Variants in NCOA3 observed in about 807,000 individuals in gnomAD.
NCOA3 encodes CBP-interacting protein.
Under a neutral mutation model 158.8 loss-of-function variants are expected in NCOA3, and 51 were observed. The observed-to-expected ratio is 0.32, with a 90% CI of 0.26 to 0.41. The LOEUF is 0.41. Among genes scored for constraint, NCOA3 ranks in the 10% least tolerant of loss-of-function variants. The pLI is 1.00. For missense variants in NCOA3, 1,510 were observed against 1,746.6 expected (o/e 0.86, Z 2.41); for synonymous variants, 537 against 592.4 (o/e 0.91, Z 1.36).
intron 1 of NCOA3, among the ~76,000 whole-genome samples, chr20:47,568,431 A>C (rs2085234086): frequency 6.6e-6 from 1 of 152,218 alleles, no homozygotes; most frequent in African/African-American, 2.4e-5. Context: ...GTAGATAAAA[A>C]GTTATGTTTA....
rs141390050 is a variant in NCOA3 at position 47,545,638 on chromosome 20, T to A, written c.-98-37545T>A. Among the ~76,000 whole-genome samples the A allele has an allele frequency of 1.9e-3, 293 of 152,150 alleles. 1 individual carries two copies. Among genetic ancestry groups the A allele is most frequent in the Middle Eastern group, 6.8e-3 (2 of 294 alleles). ...GGTTTTCTTAGTGCTGTTTTTTTTT[T>A]ATTTGCTTTTTGTTTTTTTTGTCTT... is the stretch of plus-strand genomic sequence containing the variant. On this transcript the variant is annotated intron_variant, in intron 1 of 22. Coordinates refer to ENST00000371998, the MANE Select transcript of NCOA3 (RefSeq NM_181659.3).
At chr20:47,574,502 T>TA (rs1307445406) in intron 1 of NCOA3, among the ~76,000 whole-genome samples, 4 of 151,706 alleles carry the variant, frequency 2.6e-5, no homozygotes, top group Non-Finnish European at 5.9e-5. Context: ...TTTTTTTTTT[T>TA]AGCACAGAGG....
intron 1 of NCOA3, among the ~76,000 whole-genome samples, chr20:47,555,632 G>GTTTTTT (rs74178745): frequency 3.0e-4 from 19 of 64,184 alleles, no homozygotes; most frequent in Admixed American, 6.7e-4. Flanking sequence ...CTATTAAAGT[G>GTTTTTT]TTTTTTTTTT....
intron 1 of NCOA3, among the ~76,000 whole-genome samples, chr20:47,524,654 G>A (rs1214556822): frequency 6.6e-6 from 1 of 152,216 alleles, no homozygotes; most frequent in Non-Finnish European, 1.5e-5. Context: ...CTGGTACAGA[G>A]ACAGAGGGAG....
chr20:47,549,388 A>G (rs1192015179), intron 1 of NCOA3, among the ~76,000 whole-genome samples: 1 of 151,472 alleles, frequency 6.6e-6, no homozygotes, highest in Non-Finnish European at 1.5e-5. Context: ...TTAGCTGGGC[A>G]TGATGTGGTT....
rs1266113034 is a variant in NCOA3, at chr20:47,627,679, G to T, written c.651G>T (p.Met217Ile). 5.0e-6 allele frequency: 8 copies of T among 1,614,040 alleles called. No homozygotes were observed. In the South Asian group the frequency reaches 8.8e-5, roughly 18 times the overall value. The change falls in exon 7 of 23, where the codon ATG (methionine) becomes ATT (isoleucine). Residue 217 changes from methionine (M) to isoleucine (I), a missense_variant. Met to Ile is a conservative substitution (Grantham distance 10, BLOSUM62 1). Coordinates refer to ENST00000371998, the MANE Select transcript of NCOA3 (RefSeq NM_181659.3). ...AAGACATAAACGCCAGTCCTGAAAT[G>T]CGCCAGAGATATGAAACAATGCAGT... ...ILEDINASPE[M>I]RQRYETMQCF...
intron 1 of NCOA3, among the ~76,000 whole-genome samples, chr20:47,571,300 C>T (rs554217791): frequency 1.3e-4 from 20 of 150,780 alleles, no homozygotes; most frequent in African/African-American, 2.7e-4. Context: ...CCACCGTGCC[C>T]GGCTAATTTT....
chr20:47,510,404 G>A (rs1472361270), intron 1 of NCOA3, among the ~76,000 whole-genome samples: 1 of 114,462 alleles, frequency 8.7e-6, no homozygotes, highest in Non-Finnish European at 1.6e-5. Flanking sequence ...CTGCACTCCA[G>A]CCTGGGTGAC....
chr20:47,582,535 T>C (rs551613380), intron 1 of NCOA3, among the ~76,000 whole-genome samples: 4 of 151,182 alleles, frequency 2.6e-5, no homozygotes, highest in African/African-American at 9.7e-5. Context: ...TTTTAATTTT[T>C]ATTTTTTTGT....
intron 2 of NCOA3, among the ~76,000 whole-genome samples, chr20:47,586,845 G>A (rs1386807409): frequency 6.6e-6 from 1 of 152,148 alleles, no homozygotes; most frequent in East Asian, 1.9e-4. Flanking sequence ...TACTGCATCC[G>A]CAATGTGATA....
At chr20:47,558,059 CTT>C (rs111574647) in intron 1 of NCOA3, among the ~76,000 whole-genome samples, 16 of 135,076 alleles carry the variant, frequency 1.2e-4, no homozygotes, top group Admixed American at 2.3e-4. Context: ...AAATTTCTTT[CTT>C]TTTTTTTTTT....
chr20:47,552,193 T>C (rs2084936508), intron 1 of NCOA3, among the ~76,000 whole-genome samples: 1 of 152,260 alleles, frequency 6.6e-6, no homozygotes. Context: ...AGCAAAGTTA[T>C]ACTTATAAAC....
intron 1 of NCOA3, among the ~76,000 whole-genome samples, chr20:47,580,758 G>A (rs2425975): frequency 6.6e-6 from 1 of 152,142 alleles, no homozygotes; most frequent in Non-Finnish European, 1.5e-5. Flanking sequence ...CCTTTTCTCC[G>A]TTCATCTTAC....
chr20:47,543,452 T>C (rs1435365973), intron 1 of NCOA3, among the ~76,000 whole-genome samples: 1 of 152,134 alleles, frequency 6.6e-6, no homozygotes, highest in African/African-American at 2.4e-5. Flanking sequence ...TGTTTTTCTT[T>C]GAGTTGTTAA....
At chr20:47,509,161 G>T (rs893770247) in intron 1 of NCOA3, among the ~76,000 whole-genome samples, 2 of 152,144 alleles carry the variant, frequency 1.3e-5, no homozygotes, top group Non-Finnish European at 1.5e-5. Context: ...CACTTTGAGA[G>T]GAGGATCACT....
chr20:47,645,829 G>C (rs6125059), intron 17 of NCOA3, among the ~76,000 whole-genome samples: 16,064 of 152,184 alleles, frequency 0.11, 1,032 homozygotes, highest in Non-Finnish European at 0.14. Flanking sequence ...ATAGTTTCCA[G>C]TTACTATGGT....
At chr20:47,580,756 C>G (rs1025052175) in intron 1 of NCOA3, among the ~76,000 whole-genome samples, 4 of 152,092 alleles carry the variant, frequency 2.6e-5, no homozygotes, top group African/African-American at 9.7e-5. Flanking sequence ...TACCTTTTCT[C>G]CGTTCATCTT....
chr20:47,652,386 TTC>T lies in NCOA3; in HGVS notation c.3947-18_3947-17del, dbSNP rs759327589. On this transcript the variant is annotated intron_variant, in intron 20 of 22. Coordinates refer to ENST00000371998, the MANE Select transcript of NCOA3 (RefSeq NM_181659.3). ...GAAGGCATTTGGGCATTTTTATTTCTTCTGTTTTATTTTTGTAAGGAATGGGA... is the reference window on the plus strand; with the variant it reads ...GAAGGCATTTGGGCATTTTTATTTCTTGTTTTATTTTTGTAAGGAATGGGA... The T allele has an allele frequency of 1.9e-5, 30 of 1,578,126 alleles. No homozygotes were observed. Among genetic ancestry groups the T allele is most frequent in the East Asian group, 1.6e-4 (7 of 43,952 alleles).
chr20:47,624,371 C>T lies in NCOA3; in HGVS notation c.256+288C>T, dbSNP rs368817402. ...CTGGGGGTAATGGGAGAAACTGTGA[C>T]AGATCATTAGGCATTAGAGAATCAT... On this transcript the variant is annotated intron_variant, in intron 4 of 22. Transcript: ENST00000371998. Among the ~76,000 whole-genome samples the T allele has an allele frequency of 2.6e-5, 4 of 152,306 alleles. 1 individual carries two copies. Among genetic ancestry groups the T allele is most frequent in the African/African-American group, 9.6e-5 (4 of 41,574 alleles).
Sources: gnomAD v4.1 joint callset for allele counts (sites outside exome capture counted in the v4.1 genomes callset) on GRCh38, gnomAD v4.1.1 for gene constraint, MANE v1.5 for transcripts, NCBI Gene and HGNC (gene_info 2026-07-23, HGNC 2026-07-21) for gene names.